The following SPATA16 variants were observed in gnomAD, a reference collection of about 807,000 sequenced individuals.
SPATA16 encodes spermatogenesis associated 16.
SPATA16 carries 36 observed loss-of-function variants against 63.3 expected under a neutral mutation model. That is an observed-to-expected ratio of 0.57 (90% CI 0.44 to 0.75). The LOEUF (loss-of-function observed/expected upper bound fraction) is 0.75. SPATA16 is among the 30% of genes least tolerant of loss of function. The probability of loss-of-function intolerance (pLI) is 0.00; values close to 1 mark genes in which losing one functional copy is unlikely to be tolerated. For synonymous variants in SPATA16, 203 were observed against 216.7 expected, an observed-to-expected ratio of 0.94 and a Z score of 0.56; for missense variants, 646 against 679.3, an observed-to-expected ratio of 0.95 and a Z score of 0.54.
chr3:172,994,765 G>A (rs1734659348), intron 4 of SPATA16, among the ~76,000 whole-genome samples: 3 of 152,132 alleles, frequency 2.0e-5, no homozygotes, highest in Admixed American at 1.3e-4. Context: ...ACAATATGGT[G>A]TGAATATATT....
At chr3:173,010,468 G>GTGTGTGTGTGTT (rs1553792080) in intron 4 of SPATA16, among the ~76,000 whole-genome samples, 2 of 151,062 alleles carry the variant, frequency 1.3e-5, no homozygotes, top group Admixed American at 6.6e-5. Context: ...GTGTGTGTGT[G>GTGTGTGTGTGTT]TGTTTGTTTT....
intron 4 of SPATA16, among the ~76,000 whole-genome samples, chr3:172,988,161 A>G (rs1734497183): frequency 6.6e-6 from 1 of 152,152 alleles, no homozygotes; most frequent in Non-Finnish European, 1.5e-5. Context: ...CCCATTTTCT[A>G]ATAGAACCAA....
chr3:173,036,052 C>G (rs114728863), intron 3 of SPATA16, among the ~76,000 whole-genome samples: 495 of 151,680 alleles, frequency 3.3e-3, no homozygotes, highest in African/African-American at 0.011. Flanking sequence ...AGCACTTCTT[C>G]TGCATACCAA....
intron 1 of SPATA16, among the ~76,000 whole-genome samples, chr3:173,138,051 C>A (rs1465654501): frequency 6.6e-6 from 1 of 151,920 alleles, no homozygotes; most frequent in Admixed American, 6.6e-5. Context: ...TTCAAGTTAA[C>A]AAAATTGAGC....
rs76429437 is a variant in SPATA16, at chr3:173,069,487, A to G, written c.613-20393T>C. 8.0e-3 allele frequency among the ~76,000 whole-genome samples: 1,218 copies of G among 152,344 alleles called. 25 individuals are homozygous for G. Among genetic ancestry groups the G allele is most frequent in the African/African-American group, 0.028 (1,158 of 41,586 alleles). ...TAACAAGTAATGAAATAGAAGCAAT[A>G]ATAAAAAGTCTGTCATTCAAAGAAA... On this transcript the variant is annotated intron_variant, in intron 2 of 10. Coordinates refer to ENST00000351008, the MANE Select transcript of SPATA16 (RefSeq NM_031955.6).
At chr3:172,995,732 A>G (rs1047888808) in intron 4 of SPATA16, among the ~76,000 whole-genome samples, 4 of 152,146 alleles carry the variant, frequency 2.6e-5, no homozygotes, top group Non-Finnish European at 5.9e-5. Flanking sequence ...AACAAACATA[A>G]CAAACAAGCT....
chr3:172,974,324 C>T (rs1281080256), intron 5 of SPATA16, among the ~76,000 whole-genome samples: 2 of 151,944 alleles, frequency 1.3e-5, no homozygotes, highest in African/African-American at 4.8e-5. Context: ...AAAATAGTGT[C>T]TATCTATTTA....
chr3:172,926,340 A>G (rs758374431), intron 6 of SPATA16, among the ~76,000 whole-genome samples: 1 of 152,238 alleles, frequency 6.6e-6, no homozygotes, highest in African/African-American at 2.4e-5. Context: ...AATGGTTCTA[A>G]AACAGACTCA....
intron 4 of SPATA16, among the ~76,000 whole-genome samples, chr3:172,981,098 A>C (rs1734303861): frequency 6.6e-6 from 1 of 152,116 alleles, no homozygotes; most frequent in African/African-American, 2.4e-5. Context: ...GCTGTCATCT[A>C]GTGTACACTC....
Position 173,100,487 on chromosome 3 carries a change from T to C in SPATA16, c.612+16633A>G, listed in dbSNP as rs919720615. 3.3e-5 allele frequency among the ~76,000 whole-genome samples: 5 copies of C among 152,136 alleles called. No individual in the cohort carries two copies. In the East Asian group the frequency reaches 9.6e-4, roughly 29 times the overall value. The stretch of plus-strand genomic sequence containing the variant: ...GACACACTATAAAGGCATCAGAAAG[T>C]GTGAATATTGTTTCATTAGTTTTCA... On this transcript the variant is annotated intron_variant, in intron 2 of 10. Coordinates refer to ENST00000351008, the MANE Select transcript of SPATA16 (RefSeq NM_031955.6).
At chr3:172,989,119 T>A (rs1361642495) in intron 4 of SPATA16, among the ~76,000 whole-genome samples, 1 of 152,162 alleles carries the variant, frequency 6.6e-6, no homozygotes, top group African/African-American at 2.4e-5. Flanking sequence ...CTGCTTGTAC[T>A]AAAATCTTCC....
intron 2 of SPATA16, among the ~76,000 whole-genome samples, chr3:173,098,993 A>G (rs1267273223): frequency 6.6e-6 from 1 of 152,184 alleles, no homozygotes; most frequent in African/African-American, 2.4e-5. Flanking sequence ...AAAAACCTTC[A>G]ACTATCAAGG....
chr3:172,940,767 G>A lies in SPATA16; in HGVS notation c.1082-15275C>T, dbSNP rs548779314. Among the ~76,000 whole-genome samples, 28 of 152,216 alleles carry A rather than the reference G, an allele frequency of 1.8e-4. 1 individual carries two copies. Among genetic ancestry groups the A allele is most frequent in the East Asian group, 9.7e-4 (5 of 5,166 alleles). ...TTTGGGAGGCTGAGGCAGGCGGATT[G>A]TCTGAGCTCAGGACAGACCAGCCTG... On this transcript the variant is annotated intron_variant, in intron 6 of 10. Coordinates refer to ENST00000351008, the MANE Select transcript of SPATA16 (RefSeq NM_031955.6).
At chr3:172,990,595 A>G (rs1226387834) in intron 4 of SPATA16, among the ~76,000 whole-genome samples, 1 of 152,142 alleles carries the variant, frequency 6.6e-6, no homozygotes, top group Non-Finnish European at 1.5e-5. Context: ...TCATTCATTC[A>G]ACCAAAAGCT....
At chr3:173,011,180 A>C (rs1256234881) in intron 4 of SPATA16, among the ~76,000 whole-genome samples, 2 of 152,228 alleles carry the variant, frequency 1.3e-5, no homozygotes, top group Non-Finnish European at 2.9e-5. Flanking sequence ...TGGCAAACTG[A>C]ATCCAGCAGC....
chr3:172,910,384 G>A (rs554663564), intron 10 of SPATA16, among the ~76,000 whole-genome samples: 15 of 152,176 alleles, frequency 9.9e-5, no homozygotes, highest in Middle Eastern at 3.4e-3. Flanking sequence ...GAGCCACTGC[G>A]CCCGGCCAGC....
intron 3 of SPATA16, among the ~76,000 whole-genome samples, chr3:173,028,292 CATG>C (rs1217775989): frequency 6.6e-6 from 1 of 151,588 alleles, no homozygotes; most frequent in Non-Finnish European, 1.5e-5. Context: ...TTCAGCGAAT[CATG>C]ATAACTTTAT....
At chr3:172,921,433 C>T (rs756431015) in intron 8 of SPATA16, among the ~76,000 whole-genome samples, 1 of 152,116 alleles carries the variant, frequency 6.6e-6, no homozygotes, top group Non-Finnish European at 1.5e-5. Flanking sequence ...GTCACACGAG[C>T]ATGGTCACAG....
intron 10 of SPATA16, among the ~76,000 whole-genome samples, chr3:172,909,338 A>T (rs1732310254): frequency 6.6e-6 from 1 of 152,158 alleles, no homozygotes; most frequent in African/African-American, 2.4e-5. Flanking sequence ...CTTGGAACCT[A>T]AGCTGGCCTG....
Sources: allele counts gnomAD v4.1 joint callset (sites outside exome capture counted in the v4.1 genomes callset), GRCh38; gene constraint gnomAD v4.1.1; transcripts MANE v1.5; gene names NCBI Gene and HGNC (gene_info 2026-07-23, HGNC 2026-07-21).